CD163: variants seen among roughly 807,000 people sequenced by gnomAD.
The protein encoded by CD163 is CD163 molecule.
Under a neutral mutation model 129.2 loss-of-function variants are expected in CD163, and 64 were observed. The ratio of observed to expected loss-of-function variants is 0.50; its 90% CI spans 0.41 to 0.61. The LOEUF (loss-of-function observed/expected upper bound fraction) is 0.61, where lower values mean the gene tolerates loss of function less well. CD163 is among the 20% of genes least tolerant of loss of function. The pLI is 0.00. For missense variants in CD163, 1,061 were observed against 1,377.9 expected (o/e 0.77, Z 3.64); for synonymous variants, 446 against 478.5 (o/e 0.93, Z 0.89).
chr12:7,482,073 T>C (rs1314620646), intron 14 of CD163, among the ~76,000 whole-genome samples: 1 of 152,204 alleles, frequency 6.6e-6, no homozygotes, highest in African/African-American at 2.4e-5. Context: ...AGTGTATTTG[T>C]TTACATATAT....
chr12:7,473,195 C>G (rs1206361485), intron 16 of CD163: 1 of 152,126 alleles, frequency 6.6e-6, no homozygotes, highest in Non-Finnish European at 1.5e-5. Context: ...GCAAGACAAG[C>G]CAACATTCAA....
chr12:7,503,323 T>C (rs1243800819), intron 1 of CD163, among the ~76,000 whole-genome samples: 1 of 152,208 alleles, frequency 6.6e-6, no homozygotes. Context: ...CTTTATGTAA[T>C]TAACTCTCTA....
At chr12:7,494,953 A>G in intron 6 of CD163, 128 bp downstream of exon 6, 1 of 726,740 alleles carries the variant, frequency 1.4e-6, no homozygotes, top group Non-Finnish European at 2.4e-6. Flanking sequence ...CTCCCAGTGG[A>G]ATTTGTGTAG....
intron 16 of CD163, among the ~76,000 whole-genome samples, chr12:7,474,608 C>G (rs1014394639): frequency 6.6e-6 from 1 of 152,092 alleles, no homozygotes; most frequent in African/African-American, 2.4e-5. Context: ...GCACTAAATG[C>G]CCACATCAGA....
chr12:7,486,701 A>G lies in CD163; in HGVS notation c.2256T>C (p.Asp752=). ...CCAGCTGTCTGCAAACCACGTGGGC[A>G]TCACTCAGGTCCCAGCTGTCATCAC... ...TICDDSWDLS[D]AHVVCRQLGC... Residue 752 remains aspartate (D), a synonymous_variant, in exon 10 of 17, where the codon GAT becomes GAC. Transcript: ENST00000432237. The G allele has an allele frequency of 6.2e-7, 1 of 1,614,186 alleles. No individual in the cohort carries two copies. The highest frequency in any genetic ancestry group is 8.5e-7 in the Non-Finnish European group (1 of 1,180,030).
At chr12:7,492,634 T>C (rs780052249) in intron 6 of CD163, among the ~76,000 whole-genome samples, 1 of 152,204 alleles carries the variant, frequency 6.6e-6, no homozygotes, top group East Asian at 1.9e-4. Context: ...TTGCCACTTT[T>C]AGCATTTACA....
intron 1 of CD163, chr12:7,502,766 T>C: frequency 3.2e-6 from 2 of 619,206 alleles, no homozygotes; most frequent in South Asian, 2.0e-5. Flanking sequence ...TTCATGTTTA[T>C]AGGCAACCTA....
intron 16 of CD163, among the ~76,000 whole-genome samples, chr12:7,478,910 A>G (rs1949124194): frequency 6.6e-6 from 1 of 152,110 alleles, no homozygotes; most frequent in Non-Finnish European, 1.5e-5. Context: ...CAGAAAATGT[A>G]TCTAGTAACT....
In CD163 at chr12:7,485,941, T is replaced by TC. The variant is rs1345250867; in HGVS notation, c.2459-526dup. On this transcript the variant is annotated intron_variant, in intron 10 of 16. Transcript: ENST00000432237. The surrounding 1 kb of genome is among the most constrained non-coding windows in gnomAD (Gnocchi z 4.5). The stretch of plus-strand genomic sequence containing the variant: ...TTAAGTTACTGAATCATAGTTCTGT[T>TC]CCCCATAATACATATGAAATAGTAC... Among the ~76,000 whole-genome samples the TC allele has an allele frequency of 6.6e-6, 1 of 152,174 alleles. No individual in the cohort carries two copies. Among genetic ancestry groups the TC allele is most frequent in the Non-Finnish European group, 1.5e-5 (1 of 68,022 alleles).
At chr12:7,473,931 A>G (rs1184243173) in intron 16 of CD163, among the ~76,000 whole-genome samples, 1 of 152,208 alleles carries the variant, frequency 6.6e-6, no homozygotes, top group African/African-American at 2.4e-5. Context: ...TTGCAATTCT[A>G]GTCTATGATA....
chr12:7,492,933 C>T (rs1012811647), intron 6 of CD163, among the ~76,000 whole-genome samples: 2 of 152,152 alleles, frequency 1.3e-5, no homozygotes, highest in Non-Finnish European at 2.9e-5. Context: ...TCCTCCCAAA[C>T]CCACAGTTTC....
At chr12:7,479,365 T>C (rs1196785664) in intron 16 of CD163, among the ~76,000 whole-genome samples, 4 of 152,176 alleles carry the variant, frequency 2.6e-5, no homozygotes, top group Non-Finnish European at 4.4e-5. Flanking sequence ...GCATGGTTCT[T>C]TTTTCTGCCT....
Position 7,486,936 on chromosome 12 carries a change from T to C in CD163, c.2101A>G (p.Thr701Ala). Residue 701 changes from threonine (T) to alanine (A), a missense_variant, in exon 9 of 17, where the codon ACA becomes GCA. Physicochemically the swap from Thr to Ala is moderately conservative, Grantham distance 58. Transcript: ENST00000432237. ...CTTTCTTCTGGAATGGTAGGCCTTG[T>C]TGGGCCCAAAGACGATGAATTGCAC... ...SSCNSSSLGP[T>A]RPTIPEESAV... 6.2e-7 allele frequency: 1 copy of C among 1,614,188 alleles called. No homozygotes were observed. Among genetic ancestry groups the C allele is most frequent in the East Asian group, 2.2e-5 (1 of 44,880 alleles).
intron 14 of CD163, 66 bp from the exon 15 acceptor site, chr12:7,481,322 G>GT (rs911274397): frequency 7.3e-6 from 9 of 1,237,422 alleles, no homozygotes; most frequent in Non-Finnish European, 8.3e-6. Flanking sequence ...CTGTAAGTGT[G>GT]TTTTTTCCAA....
At position 7,486,577 on chromosome 12, in the gene CD163, G is replaced by A. The variant is rs756517724; in HGVS notation, c.2380C>T (p.Arg794Cys). The change falls in exon 10 of 17, where the codon CGC becomes TGC. Residue 794 changes from arginine (R) to cysteine (C), a missense_variant. Coordinates refer to ENST00000432237, the MANE Select transcript of CD163 (RefSeq NM_203416.4). ...DEMKCNGKES[R>C]IWQCHSHGWG... ...CCGTGTGAATGGCACTGCCAAATGC[G>A]GGATTCTTTTCCATTGCATTTCATC... The A allele has an allele frequency of 1.1e-5, 17 of 1,614,028 alleles. No individual in the cohort carries two copies. Among genetic ancestry groups the A allele is most frequent in the South Asian group, 2.2e-5 (2 of 91,086 alleles).
Position 7,487,576 on chromosome 12 carries a change from G to T in CD163, c.1833C>A (p.His611Gln), listed in dbSNP as rs754574216. 4 of 1,614,142 alleles carry T rather than the reference G, an allele frequency of 2.5e-6. No homozygotes were observed. The highest frequency in any genetic ancestry group is 3.4e-6 in the Non-Finnish European group (4 of 1,180,014). ...GAACATGGGCATCTTCTATGTCCCA[G>T]TGAGAGTTACAGAGGGATCCCCAGG... The part of the protein sequence containing the change: ...LGAWGSLCNS[H>Q]WDIEDAHVLC... The change falls in exon 8 of 17, where the codon CAC (histidine) becomes CAA (glutamine). Residue 611 changes from histidine (H) to glutamine (Q), a missense_variant. His to Gln is a conservative substitution (Grantham distance 24). Transcript: ENST00000432237. The surrounding 1 kb of genome is among the most constrained non-coding windows in gnomAD (Gnocchi z 5.1).
Position 7,485,286 on chromosome 12 carries a change from C to A in CD163, c.2589G>T (p.Val863=). Residue 863 remains valine, a synonymous_variant, in exon 11 of 17, where the codon GTG becomes GTT. Coordinates refer to ENST00000432237, the MANE Select transcript of CD163 (RefSeq NM_203416.4). This position sits in a 1 kb window ranked among gnomAD's most constrained non-coding sequence, Gnocchi z 4.5. The stretch of plus-strand genomic sequence containing the variant: ...TGTCTGCACAGCCCAGCTGCCTGCA[C>A]ACCACACCCACAGTGGTTTCAGACA... ...SSMSETTVGV[V]CRQLGCADKG... 1.2e-6 allele frequency: 2 copies of A among 1,614,194 alleles called. No homozygotes were observed. The highest frequency in any genetic ancestry group is 2.2e-5 in the South Asian group (2 of 91,086).
rs1487746715 is a variant in CD163, at chr12:7,483,401, A to G, written c.3054T>C (p.Cys1018=). 5.0e-6 allele frequency: 8 copies of G among 1,613,986 alleles called. No homozygotes were observed. The highest frequency in any genetic ancestry group is 1.1e-5 in the South Asian group (1 of 91,056). The change falls in exon 12 of 17, where the codon TGT becomes TGC. Residue 1018 remains cysteine (C), a synonymous_variant. Transcript: ENST00000432237. ...CPARRWGHSE[C]GHKEDAAVNC... ...TCACTGCAGCGTCTTCCTTGTGCCC[A>G]CACTCACTATGGCCCCAGCGTCTGG...
rs776429281 is a variant in CD163 at position 7,493,007 on chromosome 12, ATATT to A, written c.1420+2070_1420+2073del. Reference sequence around the variant, plus strand: ...GGCTGGTCACAGCATAGATCAAAGTATATTTATATGCTCTTGGACTATAGTTACT... The same window carrying A: ...GGCTGGTCACAGCATAGATCAAAGTATATATGCTCTTGGACTATAGTTACT... On this transcript the variant is annotated intron_variant, in intron 6 of 16. Transcript: ENST00000432237. Among the ~76,000 whole-genome samples, 19 of 152,340 alleles carry A rather than the reference ATATT, an allele frequency of 1.2e-4. No homozygotes were observed. The East Asian group carries it at 3.5e-3, about 28-fold the overall frequency.
Sources: gnomAD v4.1 joint callset for allele counts (sites outside exome capture counted in the v4.1 genomes callset) on GRCh38, gnomAD v4.1.1 for gene constraint, Gnocchi (gnomAD v3.1) non-coding constraint, MANE v1.5 for transcripts, NCBI Gene and HGNC (gene_info 2026-07-23, HGNC 2026-07-21) for gene names.